KDM4B: variants seen among roughly 807,000 people sequenced by gnomAD.
KDM4B encodes the protein lysine demethylase 4B.
KDM4B carries 32 observed loss-of-function variants against 125.2 expected under a neutral mutation model. That is an observed-to-expected ratio of 0.26 (90% confidence interval 0.19 to 0.34). The LOEUF (loss-of-function observed/expected upper bound fraction) is 0.34. Ranked by LOEUF, KDM4B falls within the 10% of genes least tolerant of loss-of-function variation. KDM4B has a pLI of 1.00. For synonymous variants in KDM4B, 721 were observed against 677.9 expected (o/e 1.06, Z -0.99); for missense variants, 1,190 against 1,577.7 (o/e 0.75, Z 4.16).
At chr19:5,004,732 C>T (rs1001618216) in intron 1 of KDM4B, among the ~76,000 whole-genome samples, 2 of 152,112 alleles carry the variant, frequency 1.3e-5, no homozygotes, top group South Asian at 2.1e-4. Context: ...GGCAGGAAGG[C>T]GGTTATATTT....
intron 1 of KDM4B, among the ~76,000 whole-genome samples, chr19:4,986,485 C>T (rs778011877): frequency 6.6e-6 from 1 of 152,146 alleles, no homozygotes; most frequent in South Asian, 2.1e-4. Flanking sequence ...CAGAAGACAG[C>T]GAAGGCACCT....
intron 13 of KDM4B, among the ~76,000 whole-genome samples, chr19:5,133,603 A>G (rs556048955): frequency 1.3e-5 from 2 of 152,356 alleles, no homozygotes; most frequent in African/African-American, 4.8e-5. Flanking sequence ...GGAGGGGCTC[A>G]GAGGAACCAT....
chr19:5,116,235 TAAAAAAAA>T (rs35940660), intron 10 of KDM4B, among the ~76,000 whole-genome samples: 4 of 40,382 alleles, frequency 9.9e-5, no homozygotes, highest in South Asian at 1.4e-3. Context: ...ACCACATCTC[TAAAAAAAA>T]AAAAAAAAAA....
intron 1 of KDM4B, among the ~76,000 whole-genome samples, chr19:4,991,836 G>A (rs1185857385): frequency 6.6e-6 from 1 of 152,210 alleles, no homozygotes; most frequent in African/African-American, 2.4e-5. Flanking sequence ...AGAATGTTAT[G>A]TAGATGGAAT....
chr19:5,104,896 T>C (rs560661156), intron 9 of KDM4B, among the ~76,000 whole-genome samples: 3 of 152,268 alleles, frequency 2.0e-5, no homozygotes, highest in African/African-American at 7.2e-5. Context: ...TTTTCTCCCA[T>C]GTATGAGTGT....
chr19:5,150,575 G>A, intron 22 of KDM4B, 125 bp downstream of exon 22: 1 of 681,796 alleles, frequency 1.5e-6, no homozygotes, highest in South Asian at 1.9e-5. Context: ...TCTGCTGGAA[G>A]GGGGTCCCGG....
intron 9 of KDM4B, among the ~76,000 whole-genome samples, chr19:5,097,718 G>A (rs1031349719): frequency 6.6e-6 from 1 of 152,262 alleles, no homozygotes; most frequent in Non-Finnish European, 1.5e-5. Context: ...TCAGGGCAGA[G>A]AGCGCGTTGG....
At chr19:5,015,893 G>T (rs924616106) in intron 1 of KDM4B, among the ~76,000 whole-genome samples, 1 of 152,198 alleles carries the variant, frequency 6.6e-6, no homozygotes, top group Non-Finnish European at 1.5e-5. Context: ...GAAAAACTGG[G>T]TGCATTTTCT....
At chr19:4,983,736 A>G (rs540808768) in intron 1 of KDM4B, among the ~76,000 whole-genome samples, 1 of 152,268 alleles carries the variant, frequency 6.6e-6, no homozygotes, top group South Asian at 2.1e-4. Flanking sequence ...CTTGTGGATC[A>G]GCACCGCCCA....
chr19:5,096,449 C>T (rs2038824722), intron 9 of KDM4B, among the ~76,000 whole-genome samples: 1 of 152,090 alleles, frequency 6.6e-6, no homozygotes, highest in African/African-American at 2.4e-5. Flanking sequence ...GTGGTGTCAC[C>T]TTGGATGGGG....
intron 1 of KDM4B, among the ~76,000 whole-genome samples, chr19:5,006,708 G>C (rs898001809): frequency 6.6e-6 from 1 of 151,992 alleles, no homozygotes; most frequent in Non-Finnish European, 1.5e-5. Context: ...GGGAAGCGGA[G>C]GCTGCAGTGA....
chr19:5,066,524 C>T (rs1465953457), intron 6 of KDM4B, among the ~76,000 whole-genome samples: 1 of 152,206 alleles, frequency 6.6e-6, no homozygotes, highest in Non-Finnish European at 1.5e-5. Context: ...GTCTTGTGTC[C>T]CCAACTCCAG....
intron 9 of KDM4B, among the ~76,000 whole-genome samples, chr19:5,093,253 C>G (rs556965216): frequency 1.3e-5 from 2 of 152,184 alleles, no homozygotes; most frequent in African/African-American, 4.8e-5. Context: ...CTGATAGACT[C>G]GAGGCTACTT....
At chr19:5,096,086 CTT>C (rs36115996) in intron 9 of KDM4B, among the ~76,000 whole-genome samples, 45 of 136,534 alleles carry the variant, frequency 3.3e-4, no homozygotes, top group Admixed American at 5.8e-4. Context: ...TGTGGGGAAT[CTT>C]TTTTTTTTTT....
chr19:5,101,218 G>A (rs1248626200), intron 9 of KDM4B, among the ~76,000 whole-genome samples: 7 of 113,666 alleles, frequency 6.2e-5, no homozygotes, highest in Middle Eastern at 5.2e-3. Context: ...GCAAGACTCC[G>A]TCTCAAAAAA....
chr19:5,064,657 G>A (rs2037711618), intron 6 of KDM4B, among the ~76,000 whole-genome samples: 1 of 152,214 alleles, frequency 6.6e-6, no homozygotes, highest in Non-Finnish European at 1.5e-5. Flanking sequence ...CATCCACAGG[G>A]ACCAAGCAAG....
chr19:4,989,933 G>A (rs1042276800), intron 1 of KDM4B, among the ~76,000 whole-genome samples: 1 of 152,206 alleles, frequency 6.6e-6, no homozygotes, highest in Non-Finnish European at 1.5e-5. Context: ...GATTATAGGC[G>A]TGAGCCACGG....
chr19:4,973,080 A>G (rs2034316834), intron 1 of KDM4B, among the ~76,000 whole-genome samples: 1 of 152,204 alleles, frequency 6.6e-6, no homozygotes, highest in South Asian at 2.1e-4. Flanking sequence ...GATTTGCCAG[A>G]CAGTTTTCTT....
At chr19:5,111,667 A>G (rs2039149112) in intron 10 of KDM4B, 6 of 718,282 alleles carry the variant, frequency 8.4e-6, no homozygotes, top group Non-Finnish European at 1.5e-5. Context: ...ACATTCAGGG[A>G]GCCCCTGAGC....
Sources: gnomAD v4.1 joint callset for allele counts (sites outside exome capture counted in the v4.1 genomes callset) on GRCh38, gnomAD v4.1.1 for gene constraint, MANE v1.5 for transcripts, NCBI Gene and HGNC (gene_info 2026-07-23, HGNC 2026-07-21) for gene names.